XNDC1N: variants seen among roughly 807,000 people sequenced by gnomAD.
The protein encoded by XNDC1N is XRCC1 N-terminal domain containing 1, N-terminal like.
the XNDC1N span, among the ~76,000 whole-genome samples, chr11:71,925,156 C>T: frequency 6.6e-6 from 1 of 151,994 alleles, no homozygotes; most frequent in Non-Finnish European, 1.5e-5. Flanking sequence ...TCCAACCTGT[C>T]AATTCTCACT....
chr11:71,928,059 G>T, the XNDC1N span: 1 of 183,854 alleles, frequency 5.4e-6, no homozygotes, highest in African/African-American at 2.4e-5. Flanking sequence ...AGTTATGAAG[G>T]TATACGTAGG....
At chr11:71,878,382 G>T in the XNDC1N span, 6 of 1,558,580 alleles carry the variant, frequency 3.8e-6, no homozygotes, top group East Asian at 1.1e-4. Flanking sequence ...CTCTTCAGAG[G>T]ACTGAATGTA....
the XNDC1N span, among the ~76,000 whole-genome samples, chr11:71,908,361 GTATT>G: frequency 2.0e-5 from 3 of 151,178 alleles, no homozygotes; most frequent in African/African-American, 7.3e-5. Context: ...TTTAGTATAA[GTATT>G]TAATATTAAT....
chr11:71,868,247 T>C, the XNDC1N span, among the ~76,000 whole-genome samples: 1 of 152,254 alleles, frequency 6.6e-6, no homozygotes, highest in Admixed American at 6.5e-5. Context: ...CTTGCCACTT[T>C]GTGCCTTTTA....
At chr11:71,909,917 G>A in the XNDC1N span, among the ~76,000 whole-genome samples, 2 of 152,138 alleles carry the variant, frequency 1.3e-5, no homozygotes, top group African/African-American at 4.8e-5. Context: ...ATGGTTCTCC[G>A]AGAGGAGGAA....
chr11:71,909,247 G>A, the XNDC1N span, among the ~76,000 whole-genome samples: 5 of 151,912 alleles, frequency 3.3e-5, no homozygotes, highest in South Asian at 2.1e-4. Flanking sequence ...GCAGTAAGCC[G>A]TAAGGAAAAC....
the XNDC1N span, among the ~76,000 whole-genome samples, chr11:71,887,114 C>T: frequency 6.6e-6 from 1 of 152,206 alleles, no homozygotes; most frequent in Non-Finnish European, 1.5e-5. Context: ...CCCATTGAGC[C>T]TCTGGTCACA....
the XNDC1N span, among the ~76,000 whole-genome samples, chr11:71,913,872 C>T: frequency 1.3e-5 from 2 of 152,164 alleles, no homozygotes; most frequent in Non-Finnish European, 2.9e-5. Flanking sequence ...TGAATCTACT[C>T]TGCCTGTGCT....
At chr11:71,920,873 G>C in the XNDC1N span, among the ~76,000 whole-genome samples, 7 of 152,168 alleles carry the variant, frequency 4.6e-5, no homozygotes, top group Admixed American at 1.3e-4. Context: ...GCCAAGGCAG[G>C]AGAATCGCTT....
the XNDC1N span, among the ~76,000 whole-genome samples, chr11:71,919,226 C>T: frequency 6.6e-6 from 1 of 152,126 alleles, no homozygotes; most frequent in Non-Finnish European, 1.5e-5. Flanking sequence ...ATCCCATTTA[C>T]CAGATGACCT....
the XNDC1N span, chr11:71,884,554 A>G: frequency 1.4e-5 from 23 of 1,602,620 alleles, no homozygotes; most frequent in African/African-American, 8.0e-5. Context: ...GGACAAAAGA[A>G]GTGGTGAAAA....
At chr11:71,883,012 A>G in the XNDC1N span, among the ~76,000 whole-genome samples, 10 of 152,220 alleles carry the variant, frequency 6.6e-5, no homozygotes, top group Non-Finnish European at 1.0e-4. Flanking sequence ...AGAAAAAGAT[A>G]AGATATTTAA....
chr11:71,904,081 A>T, the XNDC1N span: 1 of 521,238 alleles, frequency 1.9e-6, no homozygotes, highest in African/African-American at 1.9e-5. Context: ...AAACAGGGAT[A>T]TGAAAAGTGT....
At chr11:71,906,745 G>C in the XNDC1N span, among the ~76,000 whole-genome samples, 1 of 152,162 alleles carries the variant, frequency 6.6e-6, no homozygotes. Flanking sequence ...ATATCACTGT[G>C]TGTACACCCC....
the XNDC1N span, chr11:71,878,590 T>C: frequency 6.8e-7 from 1 of 1,465,646 alleles, no homozygotes; most frequent in Non-Finnish European, 9.3e-7. Context: ...AGTCTGAAAA[T>C]AAATTAGGCA....
the XNDC1N span, among the ~76,000 whole-genome samples, chr11:71,872,947 T>C: frequency 2.0e-5 from 3 of 152,196 alleles, no homozygotes; most frequent in Non-Finnish European, 4.4e-5. Context: ...TCAAAGCTCT[T>C]CTCTATCTGT....
chr11:71,901,234 T>C, the XNDC1N span, among the ~76,000 whole-genome samples: 1 of 152,158 alleles, frequency 6.6e-6, no homozygotes. Flanking sequence ...CCATTCCTAT[T>C]GAGGAAGCTG....
the XNDC1N span, among the ~76,000 whole-genome samples, chr11:71,907,542 C>T: frequency 6.6e-6 from 1 of 152,020 alleles, no homozygotes; most frequent in Non-Finnish European, 1.5e-5. Flanking sequence ...ATCACCTCCC[C>T]CTCTGGAGAT....
At chr11:71,875,451 T>G in the XNDC1N span, among the ~76,000 whole-genome samples, 2 of 152,154 alleles carry the variant, frequency 1.3e-5, no homozygotes, top group East Asian at 3.8e-4. Context: ...TAGGCATATA[T>G]GTGTTTGTCT....
Sources: gnomAD v4.1 joint callset for allele counts (sites outside exome capture counted in the v4.1 genomes callset) on GRCh38, gnomAD v4.1.1 for gene constraint, MANE v1.5 for transcripts, NCBI Gene and HGNC (gene_info 2026-07-23, HGNC 2026-07-21) for gene names.